Variants in AGAP1 observed in about 807,000 individuals in gnomAD.
The protein encoded by AGAP1 is ArfGAP with GTPase domain, ankyrin repeat and PH domain 1.
AGAP1 carries 29 observed loss-of-function variants against 105.3 expected under a neutral mutation model. The observed-to-expected ratio is 0.28, with a 90% CI of 0.21 to 0.38. AGAP1 has a LOEUF of 0.38. Among genes scored for constraint, AGAP1 ranks in the 10% least tolerant of loss-of-function variants. AGAP1 has a pLI of 1.00. For missense variants in AGAP1, 998 were observed against 1,165.1 expected (o/e 0.86, Z 2.09); for synonymous variants, 509 against 485.9 (o/e 1.05, Z -0.63).
At position 236,113,015 on chromosome 2, in the gene AGAP1, T is replaced by C. The variant is rs1201738732; in HGVS notation, c.2115-7177T>C. Reference sequence around the variant, plus strand: ...TAGGCTCTCCACTGTTTTTCCCCTTTTGAAACTTGCAATAAAATCTACCTG... The same window carrying C: ...TAGGCTCTCCACTGTTTTTCCCCTTCTGAAACTTGCAATAAAATCTACCTG... On this transcript the variant is annotated intron_variant, in intron 16 of 17. Transcript: ENST00000304032. The surrounding 1 kb of genome is among the most constrained non-coding windows in gnomAD (Gnocchi z 4.3). Among the ~76,000 whole-genome samples, 1 of 152,270 alleles carries C rather than the reference T, an allele frequency of 6.6e-6. No homozygotes were observed. Among genetic ancestry groups the C allele is most frequent in the African/African-American group, 2.4e-5 (1 of 41,474 alleles).
rs1184650230 is a variant in AGAP1 at position 235,935,820 on chromosome 2, CTG to C, written c.1483+4900_1483+4901del. Among the ~76,000 whole-genome samples the C allele has an allele frequency of 4.6e-5, 7 of 152,302 alleles. No individual in the cohort carries two copies. The East Asian group carries it at 1.4e-3, about 29-fold the overall frequency. On this transcript the variant is annotated intron_variant, in intron 12 of 17. Transcript: ENST00000304032. ...AAGCGTTAGCCACGAGTCAGCATCACTGTGGGTAGCAGGGGCCCTGGGGGGTC... is the reference window on the plus strand; with the variant it reads ...AAGCGTTAGCCACGAGTCAGCATCACTGGGTAGCAGGGGCCCTGGGGGGTC...
chr2:235,768,316 G>A (rs1955144963), intron 6 of AGAP1, among the ~76,000 whole-genome samples: 1 of 152,174 alleles, frequency 6.6e-6, no homozygotes, highest in African/African-American at 2.4e-5. Context: ...TACCTCAAAT[G>A]AGAAATAGAT....
chr2:235,510,380 C>CT, intron 1 of AGAP1, among the ~76,000 whole-genome samples: 1 of 152,244 alleles, frequency 6.6e-6, no homozygotes, highest in Non-Finnish European at 1.5e-5. Flanking sequence ...ATATCCATAG[C>CT]TTTTTCTTTT....
At chr2:235,880,900 T>A (rs1165848826) in intron 9 of AGAP1, among the ~76,000 whole-genome samples, 1 of 152,210 alleles carries the variant, frequency 6.6e-6, no homozygotes, top group African/African-American at 2.4e-5. Flanking sequence ...ATTCCTGCCA[T>A]GCAAGGAAGC....
intron 16 of AGAP1, among the ~76,000 whole-genome samples, chr2:236,111,017 A>G (rs1435825167): frequency 6.6e-6 from 1 of 152,182 alleles, no homozygotes; most frequent in Non-Finnish European, 1.5e-5. Flanking sequence ...GGCCTCTTTT[A>G]TAAGAGCACT....
intron 1 of AGAP1, among the ~76,000 whole-genome samples, chr2:235,687,913 T>TA (rs1949544511): frequency 1.4e-5 from 2 of 144,886 alleles, no homozygotes; most frequent in African/African-American, 5.2e-5. Context: ...TTTTTTTTTT[T>TA]TTTTTTGAGA....
intron 16 of AGAP1, among the ~76,000 whole-genome samples, chr2:236,100,678 A>AT: frequency 6.6e-6 from 1 of 152,084 alleles, no homozygotes; most frequent in Non-Finnish European, 1.5e-5. Context: ...TACAAAAAAG[A>AT]TTAGCCAGAC....
At chr2:235,598,531 A>T (rs191431695) in intron 1 of AGAP1, among the ~76,000 whole-genome samples, 11 of 152,204 alleles carry the variant, frequency 7.2e-5, no homozygotes, top group South Asian at 2.1e-4. Flanking sequence ...GTTTCCAGGA[A>T]CCTATTGGTG....
rs915543517 is a variant in AGAP1, at chr2:235,551,951, C to T, written c.163+57102C>T. 1.3e-5 allele frequency among the ~76,000 whole-genome samples: 2 copies of T among 152,178 alleles called. No individual in the cohort carries two copies. Among genetic ancestry groups the T allele is most frequent in the Admixed American group, 6.5e-5 (1 of 15,280 alleles). On this transcript the variant is annotated intron_variant, in intron 1 of 17. Coordinates refer to ENST00000304032, the MANE Select transcript of AGAP1 (RefSeq NM_001037131.3). The surrounding 1 kb of genome is among the most constrained non-coding windows in gnomAD (Gnocchi z 4.8). ...CCAGCTTTCTCCTGGTTAATTTTAC[C>T]GTCTTTTAAAAAGGAAGTTCACAAG...
intron 13 of AGAP1, among the ~76,000 whole-genome samples, chr2:236,006,166 C>T (rs568707585): frequency 3.0e-4 from 46 of 152,284 alleles, no homozygotes; most frequent in African/African-American, 1.1e-3. Flanking sequence ...TTATTCCACC[C>T]GTGGCTCCTG....
chr2:236,108,448 G>A (rs2125927887), intron 16 of AGAP1, among the ~76,000 whole-genome samples: 1 of 152,266 alleles, frequency 6.6e-6, no homozygotes, highest in East Asian at 1.9e-4. Context: ...CTCACCCTGA[G>A]GGTGTTCCTC....
At chr2:235,928,527 G>A (rs1463655384) in intron 11 of AGAP1, among the ~76,000 whole-genome samples, 2 of 152,292 alleles carry the variant, frequency 1.3e-5, no homozygotes, top group Non-Finnish European at 2.9e-5. Flanking sequence ...CATTGGTTGA[G>A]CCCAGTGAGA....
intron 1 of AGAP1, among the ~76,000 whole-genome samples, chr2:235,590,698 T>C (rs13016298): frequency 3.0e-4 from 23 of 75,638 alleles, no homozygotes; most frequent in African/African-American, 9.1e-4. Flanking sequence ...TGTGCGTGTG[T>C]GTGTGTGTGT....
rs115864257 is a variant in AGAP1 at position 235,986,567 on chromosome 2, C to T, written c.1645+17944C>T. 2.9e-3 allele frequency among the ~76,000 whole-genome samples: 445 copies of T among 152,248 alleles called. 1 individual carries two copies. The highest frequency in any genetic ancestry group is 4.9e-3 in the Non-Finnish European group (331 of 68,008). ...CTTGTACCAGTTTTCAGAAGGAATGCTTCCAGCTTTTGCACATTAAATATG... is the reference window on the plus strand; with the variant it reads ...CTTGTACCAGTTTTCAGAAGGAATGTTTCCAGCTTTTGCACATTAAATATG... On this transcript the variant is annotated intron_variant, in intron 13 of 17. Coordinates refer to ENST00000304032, the MANE Select transcript of AGAP1 (RefSeq NM_001037131.3).
chr2:235,730,463 T>G (rs1050236067), intron 3 of AGAP1, among the ~76,000 whole-genome samples: 1 of 140,130 alleles, frequency 7.1e-6, no homozygotes, highest in African/African-American at 2.6e-5. Flanking sequence ...TGCAATGCTC[T>G]TTTGTTTACC....
intron 1 of AGAP1, among the ~76,000 whole-genome samples, chr2:235,572,477 CTCTGTCCTCTA>C (rs1483719788): frequency 6.6e-6 from 1 of 152,112 alleles, no homozygotes; most frequent in East Asian, 1.9e-4. Context: ...GCAGGTGCTC[CTCTGTCCTCTA>C]GATGTCCTGC....
At chr2:235,743,305 G>A (rs764443402) in intron 4 of AGAP1, among the ~76,000 whole-genome samples, 7 of 152,202 alleles carry the variant, frequency 4.6e-5, no homozygotes, top group South Asian at 2.1e-4. Context: ...CACAGTTCAC[G>A]TTTCCTCCGG....
chr2:235,799,179 A>C lies in AGAP1; in HGVS notation c.802-188A>C, dbSNP rs908626838. Among the ~76,000 whole-genome samples, 1 of 152,186 alleles carries C rather than the reference A, an allele frequency of 6.6e-6. No homozygotes were observed. The highest frequency in any genetic ancestry group is 1.5e-5 in the Non-Finnish European group (1 of 68,038). ...GATGCCACTGAGTGAGATGATTGGCATGTTCCAGGATGAGACTCTGTAGAC... is the reference window on the plus strand; with the variant it reads ...GATGCCACTGAGTGAGATGATTGGCCTGTTCCAGGATGAGACTCTGTAGAC... On this transcript the variant is annotated intron_variant, in intron 7 of 17. Coordinates refer to ENST00000304032, the MANE Select transcript of AGAP1 (RefSeq NM_001037131.3). The surrounding 1 kb of genome is among the most constrained non-coding windows in gnomAD (Gnocchi z 5.0).
At chr2:235,637,680 TGGAAGAAAG>T (rs1947052647) in intron 1 of AGAP1, among the ~76,000 whole-genome samples, 1 of 152,106 alleles carries the variant, frequency 6.6e-6, no homozygotes, top group African/African-American at 2.4e-5. Context: ...GTATTGTGTA[TGGAAGAAAG>T]TGAGTGTTGC....
Sources: allele counts gnomAD v4.1 joint callset (sites outside exome capture counted in the v4.1 genomes callset), GRCh38; gene constraint gnomAD v4.1.1; non-coding constraint Gnocchi (gnomAD v3.1); transcripts MANE v1.5; gene names NCBI Gene and HGNC (gene_info 2026-07-23, HGNC 2026-07-21).